The following COPG2 variants were observed in gnomAD, a reference collection of about 807,000 sequenced individuals.
COPG2 encodes coat protein complex I subunit gamma 2.
A neutral mutation model predicts 46.3 loss-of-function variants in COPG2; 37 were observed. The ratio of observed to expected loss-of-function variants is 0.80; its 90% CI spans 0.61 to 1.05. The LOEUF (loss-of-function observed/expected upper bound fraction) is 1.05, where lower values mean the gene tolerates loss of function less well. Ranked by LOEUF, COPG2 falls within the 50% of genes least tolerant of loss-of-function variation. COPG2 has a pLI of 0.00. For missense variants in COPG2, 427 were observed against 387.8 expected (o/e 1.10, Z -0.85); for synonymous variants, 159 against 129.7 (o/e 1.23, Z -1.53).
At chr7:130,604,816 T>C (rs1794698829) in intron 9 of COPG2, 2 of 477,422 alleles carry the variant, frequency 4.2e-6, no homozygotes, top group South Asian at 3.2e-5. Flanking sequence ...TTTTTTGTAC[T>C]GTTGTCAGAA....
intron 5 of COPG2, among the ~76,000 whole-genome samples, chr7:130,644,833 A>G (rs1795561510): frequency 6.6e-6 from 1 of 152,146 alleles, no homozygotes; most frequent in South Asian, 2.1e-4. Flanking sequence ...AGGCCGAGGC[A>G]GGCAGATCAC....
chr7:130,513,640 G>T (rs1554441366), intron 20 of COPG2, among the ~76,000 whole-genome samples: 1 of 152,028 alleles, frequency 6.6e-6, no homozygotes, highest in African/African-American at 2.4e-5. Context: ...GTGACCAATA[G>T]AGTGAAAGGT....
chr7:130,602,138 T>C (rs1374525748), intron 9 of COPG2, among the ~76,000 whole-genome samples: 1 of 152,190 alleles, frequency 6.6e-6, no homozygotes, highest in Non-Finnish European at 1.5e-5. Context: ...AAGTATTACT[T>C]ATAAGCTGTG....
intron 5 of COPG2, among the ~76,000 whole-genome samples, chr7:130,627,701 C>T (rs1795142468): frequency 6.6e-6 from 1 of 150,668 alleles, no homozygotes; most frequent in Admixed American, 6.6e-5. Context: ...GGTTGCTAAC[C>T]TCCCTCTTCT....
chr7:130,649,232 A>G (rs1233293213), intron 5 of COPG2, among the ~76,000 whole-genome samples: 15 of 152,230 alleles, frequency 9.9e-5, no homozygotes, highest in Admixed American at 7.9e-4. Flanking sequence ...AAGGTTGTGC[A>G]GTGACTCCTT....
In COPG2 at chr7:130,585,027, GA is replaced by G. The variant is rs560655901; in HGVS notation, c.738-20635del. The stretch of plus-strand genomic sequence containing the variant: ...TAGCCAAAACAAGACTAAGCTAAAA[GA>G]ACAAATCTGGAGGCATCACATTACC... On this transcript the variant is annotated intron_variant, in intron 9 of 23. Coordinates refer to ENST00000425248, the MANE Select transcript of COPG2 (RefSeq NM_012133.6). Among the ~76,000 whole-genome samples the G allele has an allele frequency of 2.2e-3, 342 of 152,010 alleles. 5 individuals carry two copies. The highest frequency in any genetic ancestry group is 3.0e-3 in the Non-Finnish European group (207 of 67,964).
At chr7:130,558,012 T>C (rs1325249556) in intron 12 of COPG2, among the ~76,000 whole-genome samples, 1 of 151,918 alleles carries the variant, frequency 6.6e-6, no homozygotes, top group African/African-American at 2.4e-5. Context: ...ACGCAACTTT[T>C]TTGAGTTTGT....
At chr7:130,651,484 A>AT (rs1286294724) in intron 5 of COPG2, among the ~76,000 whole-genome samples, 215 of 125,666 alleles carry the variant, frequency 1.7e-3, no homozygotes, top group African/African-American at 6.3e-3. Context: ...TGCCTGGCTA[A>AT]TTTTTTTGTA....
chr7:130,533,847 A>T (rs1799852726), intron 20 of COPG2, among the ~76,000 whole-genome samples: 1 of 152,032 alleles, frequency 6.6e-6, no homozygotes, highest in African/African-American at 2.4e-5. Flanking sequence ...ATGGCTGGTG[A>T]AAGGGTCCAC....
intron 20 of COPG2, among the ~76,000 whole-genome samples, chr7:130,525,644 T>G (rs1799766314): frequency 6.6e-6 from 1 of 152,148 alleles, no homozygotes; most frequent in African/African-American, 2.4e-5. Flanking sequence ...GAGATATAGC[T>G]TACAGCTGAA....
intron 9 of COPG2, among the ~76,000 whole-genome samples, chr7:130,587,601 T>C (rs941654621): frequency 5.3e-5 from 8 of 152,154 alleles, no homozygotes; most frequent in Non-Finnish European, 1.2e-4. Flanking sequence ...TGTAGAAAGC[T>C]GAAACTGGAT....
chr7:130,614,831 A>C (rs1202888309), intron 6 of COPG2, among the ~76,000 whole-genome samples: 1 of 152,218 alleles, frequency 6.6e-6, no homozygotes, highest in African/African-American at 2.4e-5. Context: ...AAGATCTGGA[A>C]ATTTATTCCT....
chr7:130,665,176 T>C (rs1267855819), intron 3 of COPG2, among the ~76,000 whole-genome samples: 1 of 152,158 alleles, frequency 6.6e-6, no homozygotes, highest in African/African-American at 2.4e-5. Context: ...CGAGACTCCA[T>C]CTCAAAAAAT....
chr7:130,582,956 A>C (rs1394920703), intron 9 of COPG2, among the ~76,000 whole-genome samples: 1 of 151,818 alleles, frequency 6.6e-6, no homozygotes, highest in Non-Finnish European at 1.5e-5. Flanking sequence ...TCAGGGATCT[A>C]GAATTAGAAA....
At chr7:130,610,131 G>A (rs1554451819) in intron 9 of COPG2, 1 of 517,802 alleles carries the variant, frequency 1.9e-6, no homozygotes, top group South Asian at 1.4e-5. Context: ...TTTTTTGATT[G>A]TTTGCTAGAC....
chr7:130,547,885 A>T, intron 19 of COPG2, 40 bp from the exon 20 acceptor site: 1 of 398,626 alleles, frequency 2.5e-6, no homozygotes, highest in East Asian at 3.6e-5. Flanking sequence ...AAGGATAACA[A>T]GTTATCCTTC....
At chr7:130,579,704 C>A (rs1794094552) in intron 9 of COPG2, among the ~76,000 whole-genome samples, 1 of 150,618 alleles carries the variant, frequency 6.6e-6, no homozygotes, top group African/African-American at 2.4e-5. Context: ...CAATCCTAGT[C>A]TCTGATAAAA....
At chr7:130,644,939 G>A (rs1202002694) in intron 5 of COPG2, among the ~76,000 whole-genome samples, 1 of 151,930 alleles carries the variant, frequency 6.6e-6, no homozygotes, top group Non-Finnish European at 1.5e-5. Context: ...GCAGGTGCCT[G>A]TAATCCCAGC....
At chr7:130,653,152 A>T (rs769368420) in intron 4 of COPG2, among the ~76,000 whole-genome samples, 1 of 152,228 alleles carries the variant, frequency 6.6e-6, no homozygotes, top group Non-Finnish European at 1.5e-5. Flanking sequence ...GCATTGACAC[A>T]ATAGGTAAAA....
Sources: gnomAD v4.1 joint callset for allele counts (sites outside exome capture counted in the v4.1 genomes callset) on GRCh38, gnomAD v4.1.1 for gene constraint, MANE v1.5 for transcripts, NCBI Gene and HGNC (gene_info 2026-07-23, HGNC 2026-07-21) for gene names.